The following KIAA1328 variants were observed in gnomAD, a reference collection of about 807,000 sequenced individuals.
The protein encoded by KIAA1328 is KIAA1328.
In KIAA1328, 52 loss-of-function variants were observed where a neutral mutation model predicts 68.1. The observed-to-expected ratio is 0.76, with a 90% confidence interval of 0.61 to 0.96. The LOEUF is 0.96. Ranked by LOEUF, KIAA1328 falls within the 40% of genes least tolerant of loss-of-function variation. The probability of loss-of-function intolerance (pLI) is 0.00; values close to 1 mark genes in which losing one functional copy is unlikely to be tolerated. For missense variants in KIAA1328, 641 were observed against 677.6 expected (o/e 0.95, Z 0.60); for synonymous variants, 232 against 239.4 (o/e 0.97, Z 0.28).
intron 9 of KIAA1328, among the ~76,000 whole-genome samples, chr18:37,205,519 T>G (rs2060200821): frequency 6.6e-6 from 1 of 152,210 alleles, no homozygotes; most frequent in Non-Finnish European, 1.5e-5. Context: ...TTTTCAACAT[T>G]TTTAGCTCAA....
In KIAA1328 at chr18:37,191,032, T is replaced by G. The variant is rs191339104; in HGVS notation, c.1523+17951T>G. 2.7e-3 allele frequency among the ~76,000 whole-genome samples: 418 copies of G among 152,320 alleles called. 4 individuals are homozygous for G. Among genetic ancestry groups the G allele is most frequent in the Admixed American group, 7.5e-3 (115 of 15,300 alleles). On this transcript the variant is annotated intron_variant, in intron 9 of 9. Coordinates refer to ENST00000280020, the MANE Select transcript of KIAA1328 (RefSeq NM_020776.3). ...TGGTAATGGTCCATTAAAACTCTGG[T>G]TTCTTTCCCATCCATTCCTGCTTTA...
At chr18:37,179,740 CTT>C (rs1445454007) in intron 9 of KIAA1328, among the ~76,000 whole-genome samples, 1 of 152,122 alleles carries the variant, frequency 6.6e-6, no homozygotes, top group African/African-American at 2.4e-5. Context: ...TCTTAAGTAA[CTT>C]AACATGAAAA....
intron 4 of KIAA1328, among the ~76,000 whole-genome samples, chr18:36,862,215 A>AT (rs2150892485): frequency 6.6e-6 from 1 of 152,286 alleles, no homozygotes. Flanking sequence ...GATTTCGCCA[A>AT]TTTTACATGT....
chr18:37,216,969 C>CTTTTTTTTTGT (rs1374029245), intron 9 of KIAA1328, among the ~76,000 whole-genome samples: 1 of 112,336 alleles, frequency 8.9e-6, no homozygotes, highest in African/African-American at 3.7e-5. Context: ...GCAACCCCTG[C>CTTTTTTTTTGT]TTTTTTTTTG....
At chr18:36,835,536 C>T (rs2046645755) in intron 3 of KIAA1328, among the ~76,000 whole-genome samples, 160 bp downstream of exon 3, 1 of 152,074 alleles carries the variant, frequency 6.6e-6, no homozygotes, top group African/African-American at 2.4e-5. Flanking sequence ...AGGTTTGAGC[C>T]TAAATTATCT....
At chr18:36,865,314 C>T (rs939578960) in intron 4 of KIAA1328, among the ~76,000 whole-genome samples, 9 of 151,666 alleles carry the variant, frequency 5.9e-5, no homozygotes, top group Non-Finnish European at 1.3e-4. Context: ...TTCTTTGATC[C>T]ACAATTTTTT....
chr18:36,953,497 A>G (rs1328808682), intron 5 of KIAA1328, among the ~76,000 whole-genome samples: 3 of 150,892 alleles, frequency 2.0e-5, no homozygotes, highest in Non-Finnish European at 4.4e-5. Context: ...AAATTTATAT[A>G]AATTGTAAAT....
chr18:37,154,241 G>A (rs1297310251), intron 7 of KIAA1328, among the ~76,000 whole-genome samples: 1 of 152,106 alleles, frequency 6.6e-6, no homozygotes, highest in Non-Finnish European at 1.5e-5. Context: ...TTCGACAAGT[G>A]GGTGAGACTC....
At chr18:37,153,624 C>CTTTT (rs772159270) in intron 7 of KIAA1328, among the ~76,000 whole-genome samples, 14 of 95,658 alleles carry the variant, frequency 1.5e-4, no homozygotes, top group East Asian at 2.9e-4. Context: ...AATCCAATAG[C>CTTTT]TTTTTTTTTT....
intron 6 of KIAA1328, among the ~76,000 whole-genome samples, chr18:37,005,513 G>A (rs561594187): frequency 6.6e-6 from 1 of 151,688 alleles, no homozygotes; most frequent in South Asian, 2.1e-4. Flanking sequence ...GGAGTGTAAA[G>A]TAGTACAGCC....
intron 9 of KIAA1328, among the ~76,000 whole-genome samples, chr18:37,214,055 T>G (rs2060373992): frequency 6.6e-6 from 1 of 152,224 alleles, no homozygotes; most frequent in African/African-American, 2.4e-5. Flanking sequence ...ATTAGCCCTT[T>G]GTCAGATGGG....
intron 6 of KIAA1328, among the ~76,000 whole-genome samples, chr18:37,028,818 G>T (rs569837916): frequency 6.6e-6 from 1 of 152,158 alleles, no homozygotes; most frequent in East Asian, 1.9e-4. Context: ...GTGATGAATC[G>T]TATGTATTAA....
intron 7 of KIAA1328, among the ~76,000 whole-genome samples, chr18:37,091,340 A>G (rs2057261611): frequency 6.6e-6 from 1 of 152,204 alleles, no homozygotes; most frequent in Non-Finnish European, 1.5e-5. Flanking sequence ...AGCTCACACC[A>G]GGAAGAACTC....
chr18:37,043,329 T>C (rs531271840), intron 6 of KIAA1328, among the ~76,000 whole-genome samples: 2 of 152,198 alleles, frequency 1.3e-5, no homozygotes, highest in African/African-American at 2.4e-5. Flanking sequence ...CTTCTTGTAA[T>C]TTTTTATTTG....
intron 7 of KIAA1328, among the ~76,000 whole-genome samples, chr18:37,095,780 C>G (rs2057387800): frequency 6.6e-6 from 1 of 151,876 alleles, no homozygotes. Context: ...AAAGAAGACC[C>G]AAATAAATAA....
chr18:36,911,321 A>T (rs1028062425), intron 5 of KIAA1328, among the ~76,000 whole-genome samples: 6 of 152,146 alleles, frequency 3.9e-5, no homozygotes, highest in South Asian at 2.1e-4. Context: ...GAATACTCTA[A>T]TTAGGAATTC....
chr18:37,014,660 A>C (rs1417828295), intron 6 of KIAA1328, among the ~76,000 whole-genome samples: 2 of 152,152 alleles, frequency 1.3e-5, no homozygotes, highest in Admixed American at 1.3e-4. Flanking sequence ...AGCAGGAGGA[A>C]GAGAGGGGTC....
At chr18:36,882,060 C>T (rs2048344977) in intron 4 of KIAA1328, among the ~76,000 whole-genome samples, 1 of 152,176 alleles carries the variant, frequency 6.6e-6, no homozygotes, top group Admixed American at 6.5e-5. Flanking sequence ...CTACTAAGCA[C>T]TGTACAAGGG....
chr18:37,021,921 T>A (rs2151532529), intron 6 of KIAA1328, among the ~76,000 whole-genome samples: 1 of 152,046 alleles, frequency 6.6e-6, no homozygotes, highest in South Asian at 2.1e-4. Flanking sequence ...GTGACTGTAG[T>A]CCCAGCTACT....
Sources: gnomAD v4.1 joint callset for allele counts (sites outside exome capture counted in the v4.1 genomes callset) on GRCh38, gnomAD v4.1.1 for gene constraint, MANE v1.5 for transcripts, NCBI Gene and HGNC (gene_info 2026-07-23, HGNC 2026-07-21) for gene names.